The following SS18 variants were observed in gnomAD, a reference collection of about 807,000 sequenced individuals.
SS18 encodes protein SSXT.
A neutral mutation model predicts 72.5 loss-of-function variants in SS18; 28 were observed. That is an observed-to-expected ratio of 0.39 (90% confidence interval 0.29 to 0.53). The LOEUF (loss-of-function observed/expected upper bound fraction) is 0.53. Among genes scored for constraint, SS18 ranks in the 20% least tolerant of loss-of-function variants. The pLI is 0.76. For missense variants in SS18, 518 were observed against 535.3 expected, an observed-to-expected ratio of 0.97 and a Z score of 0.32; for synonymous variants, 172 against 164.2, an observed-to-expected ratio of 1.05 and a Z score of -0.37.
At chr18:26,065,820 T>TATATATATATATATATATATATAG in intron 3 of SS18, among the ~76,000 whole-genome samples, 1 of 142,464 alleles carries the variant, frequency 7.0e-6, no homozygotes, top group Non-Finnish European at 1.5e-5. Flanking sequence ...TATATATATA[T>TATATATATATATATATATATATAG]ATATGATCAT....
intron 10 of SS18, chr18:26,023,505 C>A: frequency 4.8e-6 from 2 of 415,606 alleles, no homozygotes; most frequent in Admixed American, 4.0e-5. Flanking sequence ...AGAAAAAAGA[C>A]ATATTAACTA....
intron 10 of SS18, among the ~76,000 whole-genome samples, chr18:26,020,862 G>A (rs891632265): frequency 4.6e-5 from 7 of 152,078 alleles, no homozygotes; most frequent in Non-Finnish European, 8.8e-5. Flanking sequence ...CTGAAACAAA[G>A]GCATGGAGGA....
At chr18:26,032,782 T>C (rs534076761) in intron 9 of SS18, among the ~76,000 whole-genome samples, 7 of 152,094 alleles carry the variant, frequency 4.6e-5, no homozygotes, top group South Asian at 2.1e-4. Flanking sequence ...TATTTCAAAA[T>C]GGGTAAAAAA....
At position 26,035,487 on chromosome 18, in the gene SS18, T is replaced by C. The variant is rs967673293; in HGVS notation, c.973+344A>G. 1 of 286,212 alleles carries C rather than the reference T, an allele frequency of 3.5e-6. No individual in the cohort carries two copies. Among genetic ancestry groups the C allele is most frequent in the African/African-American group, 2.2e-5 (1 of 46,322 alleles). The allele number at this position is 286,212 out of a possible 1,614,324, so 17.7% of individuals were successfully genotyped here. A position where few individuals can be genotyped will look rare whatever the true frequency, so the allele number is the denominator to read the frequency against. On this transcript the variant is annotated intron_variant, in intron 8 of 10. Transcript: ENST00000415083. This position sits in a 1 kb window ranked among gnomAD's most constrained non-coding sequence, Gnocchi z 4.4. Reference sequence around the variant, plus strand: ...AGCTACACGAGATCAGCAAGCTGTTTCCTAAAGGCACTATACTTATATGTA... The same window carrying C: ...AGCTACACGAGATCAGCAAGCTGTTCCCTAAAGGCACTATACTTATATGTA...
In SS18 at chr18:26,047,979, G is replaced by C. The variant is rs548002236; in HGVS notation, c.607+4645C>G. On this transcript the variant is annotated intron_variant, in intron 5 of 10. Coordinates refer to ENST00000415083, the MANE Select transcript of SS18 (RefSeq NM_001007559.3). ...CTCCTTCAATAACAGACAAACCACA[G>C]AATATATGACATGAACAGGCAATTC... is the stretch of plus-strand genomic sequence containing the variant. Among the ~76,000 whole-genome samples the C allele has an allele frequency of 1.1e-4, 16 of 152,302 alleles. No homozygotes were observed. The East Asian group carries it at 3.1e-3, about 29-fold the overall frequency.
intron 3 of SS18, among the ~76,000 whole-genome samples, chr18:26,061,033 G>A (rs1837610407): frequency 6.6e-6 from 1 of 151,886 alleles, no homozygotes. Flanking sequence ...AATAAATAAG[G>A]CTGGACACGG....
At chr18:26,026,792 A>C (rs1785517912) in intron 10 of SS18, among the ~76,000 whole-genome samples, 1 of 152,224 alleles carries the variant, frequency 6.6e-6, no homozygotes, top group Non-Finnish European at 1.5e-5. Context: ...TATAGTTTTG[A>C]TAAAATATCA....
chr18:26,023,552 T>C, intron 10 of SS18: 1 of 473,664 alleles, frequency 2.1e-6, no homozygotes, highest in South Asian at 1.9e-5. Context: ...AATGTCTCCT[T>C]GGAAACAATG....
In SS18 at chr18:26,052,792, T is replaced by C. The variant is rs2053945500; in HGVS notation, c.439A>G (p.Asn147Asp). 6.2e-7 allele frequency: 1 copy of C among 1,614,172 alleles called. No homozygotes were observed. Among genetic ancestry groups the C allele is most frequent in the Admixed American group, 1.7e-5 (1 of 60,022 alleles). Residue 147 changes from asparagine (N) to aspartate (D), a missense_variant, in exon 5 of 11, where the codon AAC becomes GAC. By Grantham distance (23) the Asn-to-Asp change is conservative. Coordinates refer to ENST00000415083, the MANE Select transcript of SS18 (RefSeq NM_001007559.3). ...GPGPNQLNMTNSSMNMPSSSH... is the reference protein window; with the variant it reads ...GPGPNQLNMTDSSMNMPSSSH... ...CTTGAAGGCATATTCATGGAACTGT[T>C]TGTCATATTGAGTTGATTGGGTCCA... is the stretch of plus-strand genomic sequence containing the variant.
intron 10 of SS18, among the ~76,000 whole-genome samples, chr18:26,030,167 T>C (rs2143823968): frequency 6.6e-6 from 1 of 152,340 alleles, no homozygotes; most frequent in East Asian, 1.9e-4. Context: ...AGTCCCCTAA[T>C]ACGGCTTGTA....
intron 6 of SS18, 120 bp downstream of exon 6, chr18:26,039,169 A>C (rs1386474996): frequency 1.2e-5 from 1 of 81,094 alleles, no homozygotes; most frequent in Non-Finnish European, 1.9e-5. Context: ...ACCTTTTGTC[A>C]AAAAAAAAAA....
intron 2 of SS18, among the ~76,000 whole-genome samples, chr18:26,081,922 G>A (rs764022162): frequency 5.3e-5 from 8 of 152,054 alleles, no homozygotes; most frequent in Non-Finnish European, 7.4e-5. Context: ...GCTGAGCATG[G>A]TGGCACGCAC....
At chr18:26,086,373 T>C (rs2054616026) in intron 2 of SS18, among the ~76,000 whole-genome samples, 1 of 152,168 alleles carries the variant, frequency 6.6e-6, no homozygotes, top group African/African-American at 2.4e-5. Context: ...TGAGATGTGT[T>C]ATTAAAGCAA....
At chr18:26,042,995 T>C (rs1293050861) in intron 5 of SS18, among the ~76,000 whole-genome samples, 1 of 152,174 alleles carries the variant, frequency 6.6e-6, no homozygotes, top group Non-Finnish European at 1.5e-5. Context: ...TAAATAATAT[T>C]GTTTAAAATG....
At chr18:26,068,749 C>T (rs2054262657) in intron 3 of SS18, among the ~76,000 whole-genome samples, 1 of 152,126 alleles carries the variant, frequency 6.6e-6, no homozygotes, top group Non-Finnish European at 1.5e-5. Context: ...AAAAAAAATG[C>T]AACTTAATTT....
intron 5 of SS18, among the ~76,000 whole-genome samples, chr18:26,041,965 C>T (rs1255441359): frequency 6.6e-6 from 1 of 152,024 alleles, no homozygotes; most frequent in Non-Finnish European, 1.5e-5. Flanking sequence ...CATGATCAAG[C>T]CTAAACCACA....
At chr18:26,026,444 C>T (rs1250885359) in intron 10 of SS18, among the ~76,000 whole-genome samples, 1 of 152,070 alleles carries the variant, frequency 6.6e-6, no homozygotes, top group Non-Finnish European at 1.5e-5. Context: ...CAAAATTCAA[C>T]ATTCATTCCC....
At chr18:26,090,958 C>T (rs960109369), upstream of SS18, 6 of 264,824 alleles carry the variant, frequency 2.3e-5, no homozygotes, top group Admixed American at 5.6e-5. Flanking sequence ...ACAGGAAATG[C>T]GAGCGGCCCA....
At chr18:26,022,406 C>A (rs1192633165) in intron 10 of SS18, among the ~76,000 whole-genome samples, 1 of 150,338 alleles carries the variant, frequency 6.7e-6, no homozygotes, top group Non-Finnish European at 1.5e-5. Flanking sequence ...TGTTTCTATT[C>A]AAGATGGATT....
Sources: gnomAD v4.1 joint callset for allele counts (sites outside exome capture counted in the v4.1 genomes callset) on GRCh38, gnomAD v4.1.1 for gene constraint, Gnocchi (gnomAD v3.1) non-coding constraint, MANE v1.5 for transcripts, NCBI Gene and HGNC (gene_info 2026-07-23, HGNC 2026-07-21) for gene names.